Variants in OCA2 observed in about 807,000 individuals in gnomAD.
OCA2 encodes P protein.
OCA2 carries 77 observed loss-of-function variants against 100.2 expected under a neutral mutation model. The ratio of observed to expected loss-of-function variants is 0.77; its 90% CI spans 0.64 to 0.93. OCA2 has a LOEUF of 0.93. OCA2 is among the 40% of genes least tolerant of loss of function. The pLI, the probability that OCA2 is intolerant of heterozygous loss-of-function variation, is 0.00. For synonymous variants in OCA2, 432 were observed against 439.2 expected, an observed-to-expected ratio of 0.98 and a Z score of 0.21; for missense variants, 1,062 against 1,089.1, an observed-to-expected ratio of 0.98 and a Z score of 0.35.
At chr15:27,816,881 C>T (rs1021465188) in intron 23 of OCA2, among the ~76,000 whole-genome samples, 19 of 152,126 alleles carry the variant, frequency 1.2e-4, no homozygotes, top group Non-Finnish European at 2.5e-4. Flanking sequence ...CCCCACCACC[C>T]CTCACTGCCC....
chr15:27,913,689 G>T (rs904608332), intron 19 of OCA2, among the ~76,000 whole-genome samples: 1 of 151,098 alleles, frequency 6.6e-6, no homozygotes, highest in Non-Finnish European at 1.5e-5. Flanking sequence ...TGCCCATCAG[G>T]TCAGATGAAG....
chr15:28,052,369 A>G (rs767565327), intron 2 of OCA2, among the ~76,000 whole-genome samples: 3 of 152,116 alleles, frequency 2.0e-5, no homozygotes, highest in Non-Finnish European at 2.9e-5. Context: ...TAAACTACCA[A>G]CTCTCACAGC....
At chr15:28,010,842 T>C (rs111780416) in intron 9 of OCA2, among the ~76,000 whole-genome samples, 6,223 of 152,080 alleles carry the variant, frequency 0.041, 217 homozygotes, top group South Asian at 0.13. Flanking sequence ...GAGGGGAAAA[T>C]GTATTTGGAA....
intron 2 of OCA2, among the ~76,000 whole-genome samples, chr15:28,079,180 C>T (rs979635081): frequency 9.9e-5 from 15 of 152,198 alleles, no homozygotes; most frequent in Non-Finnish European, 1.5e-5. Flanking sequence ...CACAACTGAA[C>T]CCATAATAGA....
chr15:27,773,097 A>G (rs907686065), intron 23 of OCA2, among the ~76,000 whole-genome samples: 28 of 152,226 alleles, frequency 1.8e-4, no homozygotes, highest in African/African-American at 6.3e-4. Flanking sequence ...TACCTTTTCA[A>G]TTGTATTATT....
At chr15:27,969,884 G>C (rs2040711047) in intron 14 of OCA2, among the ~76,000 whole-genome samples, 1 of 142,374 alleles carries the variant, frequency 7.0e-6, no homozygotes, top group African/African-American at 2.5e-5. Context: ...ATGATTTCTT[G>C]AATTCTTCCA....
At chr15:27,935,868 A>C (rs953636300) in intron 18 of OCA2, among the ~76,000 whole-genome samples, 4 of 152,218 alleles carry the variant, frequency 2.6e-5, no homozygotes, top group Non-Finnish European at 5.9e-5. Flanking sequence ...TGTGTAACTG[A>C]CTTTGACCAA....
At chr15:27,724,441 G>A in the OCA2 span, among the ~76,000 whole-genome samples, 1 of 152,114 alleles carries the variant, frequency 6.6e-6, no homozygotes, top group Non-Finnish European at 1.5e-5. Context: ...GTTGGATGCA[G>A]GGCCACTCTA....
intron 21 of OCA2, among the ~76,000 whole-genome samples, chr15:27,863,090 G>C (rs920812415): frequency 1.9e-4 from 29 of 152,120 alleles, no homozygotes; most frequent in African/African-American, 7.0e-4. Flanking sequence ...GGGCTGACCT[G>C]ACAGGTCAGG....
At chr15:28,077,466 G>A (rs535185553) in intron 2 of OCA2, among the ~76,000 whole-genome samples, 18 of 152,274 alleles carry the variant, frequency 1.2e-4, no homozygotes, top group African/African-American at 3.6e-4. Context: ...TGGACAAGAC[G>A]TATTCCTCTA....
At chr15:27,800,362 T>G (rs2151170182) in intron 23 of OCA2, among the ~76,000 whole-genome samples, 1 of 151,932 alleles carries the variant, frequency 6.6e-6, no homozygotes, top group South Asian at 2.1e-4. Context: ...GAGAAATCAA[T>G]GAAATTTAAA....
intron 18 of OCA2, among the ~76,000 whole-genome samples, chr15:27,936,577 C>T (rs2140458819): frequency 6.6e-6 from 1 of 152,310 alleles, no homozygotes; most frequent in Non-Finnish European, 1.5e-5. Context: ...GTGCACCAGG[C>T]ACTGCTCTTC....
At chr15:28,070,285 G>A (rs1335413527) in intron 2 of OCA2, among the ~76,000 whole-genome samples, 1 of 142,840 alleles carries the variant, frequency 7.0e-6, no homozygotes, top group African/African-American at 2.8e-5. Flanking sequence ...TCTCCGCCCG[G>A]CAGCCACCCC....
intron 18 of OCA2, among the ~76,000 whole-genome samples, chr15:27,949,256 G>T (rs542401705): frequency 6.6e-6 from 1 of 152,224 alleles, no homozygotes; most frequent in African/African-American, 2.4e-5. Flanking sequence ...CAGTGTGTGC[G>T]CTGTATTAGA....
intron 18 of OCA2, among the ~76,000 whole-genome samples, chr15:27,947,944 G>A (rs1270619957): frequency 6.6e-6 from 1 of 152,212 alleles, no homozygotes; most frequent in African/African-American, 2.4e-5. Context: ...GCCCCAGGCT[G>A]GGTCAGCCAC....
At chr15:27,914,702 T>C (rs1195226118) in intron 19 of OCA2, among the ~76,000 whole-genome samples, 2 of 151,964 alleles carry the variant, frequency 1.3e-5, no homozygotes, top group Non-Finnish European at 2.9e-5. Context: ...ACTGCTGAAA[T>C]AAATCAGTGA....
intron 2 of OCA2, among the ~76,000 whole-genome samples, chr15:28,067,271 C>G (rs570857467): frequency 1.3e-5 from 2 of 152,296 alleles, no homozygotes; most frequent in East Asian, 1.9e-4. Flanking sequence ...CTTTGTTAAT[C>G]TAGCTAGGAG....
At chr15:27,967,971 T>G (rs935938850) in intron 14 of OCA2, among the ~76,000 whole-genome samples, 12 of 152,320 alleles carry the variant, frequency 7.9e-5, no homozygotes, top group African/African-American at 2.9e-4. Context: ...CTGGAATAAG[T>G]CAGCAGCGTC....
chr15:27,977,737 T>G (rs1245419041), intron 14 of OCA2, among the ~76,000 whole-genome samples: 4 of 152,196 alleles, frequency 2.6e-5, no homozygotes, highest in Non-Finnish European at 5.9e-5. Flanking sequence ...TGATAGGGCT[T>G]AGATGAGGTC....
Sources: gnomAD v4.1 joint callset for allele counts (sites outside exome capture counted in the v4.1 genomes callset) on GRCh38, gnomAD v4.1.1 for gene constraint, MANE v1.5 for transcripts, NCBI Gene and HGNC (gene_info 2026-07-23, HGNC 2026-07-21) for gene names.